DLGAP2: variants seen among roughly 807,000 people sequenced by gnomAD.
DLGAP2 encodes the protein DLG associated protein 2.
In DLGAP2, 26 loss-of-function variants were observed where a neutral mutation model predicts 100.3. The observed-to-expected ratio is 0.26, with a 90% CI of 0.19 to 0.36. DLGAP2 has a LOEUF of 0.36. Among genes scored for constraint, DLGAP2 ranks in the 10% least tolerant of loss-of-function variants. The probability of loss-of-function intolerance (pLI) is 1.00; values close to 1 mark genes in which losing one functional copy is unlikely to be tolerated. For synonymous variants in DLGAP2, 886 were observed against 630.1 expected, an observed-to-expected ratio of 1.41 and a Z score of -6.08; for missense variants, 1,858 against 1,453.2, an observed-to-expected ratio of 1.28 and a Z score of -4.53.
chr8:1,601,932 CTTAAT>C (rs1477187118), intron 6 of DLGAP2, among the ~76,000 whole-genome samples: 1 of 136,910 alleles, frequency 7.3e-6, no homozygotes, highest in Non-Finnish European at 1.6e-5. Context: ...ATCCTAAAAC[CTTAAT>C]TTAACAGGGT....
intron 3 of DLGAP2, among the ~76,000 whole-genome samples, chr8:1,370,046 A>G (rs954836749): frequency 6.6e-6 from 1 of 151,802 alleles, no homozygotes; most frequent in Non-Finnish European, 1.5e-5. Flanking sequence ...GTTGCGGTCC[A>G]GCCCCCATTG....
chr8:1,676,700 C>A, intron 11 of DLGAP2, 82 bp downstream of exon 11: 2 of 1,386,092 alleles, frequency 1.4e-6, no homozygotes, highest in Non-Finnish European at 2.0e-6. Flanking sequence ...CTAGATCCTG[C>A]CGGCCCTCAA....
chr8:1,467,480 G>T (rs1798659282), intron 3 of DLGAP2, among the ~76,000 whole-genome samples: 2 of 151,882 alleles, frequency 1.3e-5, no homozygotes, highest in African/African-American at 2.4e-5. Flanking sequence ...CCCGTTGAAG[G>T]CAGGGACTCC....
At chr8:1,007,064 T>C (rs527587683) in intron 2 of DLGAP2, among the ~76,000 whole-genome samples, 31 of 151,628 alleles carry the variant, frequency 2.0e-4, no homozygotes, top group African/African-American at 7.5e-4. Flanking sequence ...GGACACCTTG[T>C]GTCTGAAGTC....
At chr8:1,682,961 A>G (rs1798996509) in intron 12 of DLGAP2, among the ~76,000 whole-genome samples, 1 of 151,488 alleles carries the variant, frequency 6.6e-6, no homozygotes, top group Non-Finnish European at 1.5e-5. Context: ...TTGAGCCATC[A>G]GGATCCTCCT....
chr8:1,200,963 C>G (rs545316557), intron 2 of DLGAP2, among the ~76,000 whole-genome samples: 1 of 152,338 alleles, frequency 6.6e-6, no homozygotes, highest in African/African-American at 2.4e-5. Context: ...CGGCGGGGCG[C>G]TGCGCTCGGC....
intron 3 of DLGAP2, among the ~76,000 whole-genome samples, chr8:1,444,505 T>A (rs753933672): frequency 2.6e-5 from 4 of 152,186 alleles, no homozygotes; most frequent in Admixed American, 6.5e-5. Flanking sequence ...GGTGGGTCTT[T>A]GCATTTCTTA....
At chr8:932,496 C>G (rs1473335519) in intron 2 of DLGAP2, among the ~76,000 whole-genome samples, 1 of 152,122 alleles carries the variant, frequency 6.6e-6, no homozygotes, top group Non-Finnish European at 1.5e-5. Flanking sequence ...CTATAAAACA[C>G]AAGAGTGGAA....
chr8:1,541,443 C>A (rs1198368689), intron 4 of DLGAP2, among the ~76,000 whole-genome samples: 1 of 152,070 alleles, frequency 6.6e-6, no homozygotes, highest in African/African-American at 2.4e-5. Context: ...TGAGCTGCAC[C>A]CCAGAGGTAT....
intron 6 of DLGAP2, among the ~76,000 whole-genome samples, chr8:1,583,297 C>G (rs1267160176): frequency 6.6e-6 from 1 of 152,134 alleles, no homozygotes; most frequent in Non-Finnish European, 1.5e-5. Context: ...AGAACACCAG[C>G]TATTGATGGA....
chr8:979,700 C>T (rs1800274289), intron 2 of DLGAP2, among the ~76,000 whole-genome samples: 1 of 152,206 alleles, frequency 6.6e-6, no homozygotes, highest in Non-Finnish European at 1.5e-5. Context: ...CATGGCTATC[C>T]ACCCAAAATG....
chr8:1,684,620 A>G (rs1236199851), intron 12 of DLGAP2, among the ~76,000 whole-genome samples: 2 of 152,152 alleles, frequency 1.3e-5, no homozygotes, highest in Non-Finnish European at 2.9e-5. Context: ...AATAAAATCT[A>G]TAGTGAACCC....
At chr8:1,429,058 G>C (rs1201337617) in intron 3 of DLGAP2, among the ~76,000 whole-genome samples, 3 of 152,322 alleles carry the variant, frequency 2.0e-5, no homozygotes, top group East Asian at 3.9e-4. Context: ...AAGCAGTGTA[G>C]CACTTCTCTA....
At position 1,322,315 on chromosome 8, in the gene DLGAP2, T is replaced by TA. The variant is rs546722050; in HGVS notation, c.106+63436dup. 3.9e-5 allele frequency among the ~76,000 whole-genome samples: 6 copies of TA among 152,354 alleles called. 1 individual carries two copies. In the South Asian group the frequency reaches 1.2e-3, roughly 32 times the overall value. The stretch of plus-strand genomic sequence containing the variant: ...TGAAAAAACTTCGAAATCTCAAACT[T>TA]AAAATGTTCATTCTTTACCACAATA... On this transcript the variant is annotated intron_variant, in intron 3 of 14. Transcript: ENST00000637795.
At chr8:885,689 C>A (rs532866344) in intron 1 of DLGAP2, among the ~76,000 whole-genome samples, 1 of 152,110 alleles carries the variant, frequency 6.6e-6, no homozygotes, top group African/African-American at 2.4e-5. Context: ...AGGGCCTCCT[C>A]GTCTTGTGCT....
chr8:1,222,491 A>G (rs1347935078), intron 2 of DLGAP2, among the ~76,000 whole-genome samples: 1 of 152,068 alleles, frequency 6.6e-6, no homozygotes, highest in Non-Finnish European at 1.5e-5. Context: ...ACTGGTAACG[A>G]CACTCCAGTG....
At chr8:1,387,738 C>G (rs1389685937) in intron 3 of DLGAP2, among the ~76,000 whole-genome samples, 2 of 152,098 alleles carry the variant, frequency 1.3e-5, no homozygotes, top group Admixed American at 6.5e-5. Flanking sequence ...GAGGAAGGTT[C>G]AGGTAGGAAT....
intron 3 of DLGAP2, among the ~76,000 whole-genome samples, chr8:1,419,230 G>C (rs989704531): frequency 2.9e-5 from 4 of 139,824 alleles, no homozygotes; most frequent in African/African-American, 1.0e-4. Flanking sequence ...GTGTGTGTGT[G>C]TGTAGGTTTT....
At chr8:791,997 T>G (rs1822041900) in intron 1 of DLGAP2, among the ~76,000 whole-genome samples, 1 of 152,210 alleles carries the variant, frequency 6.6e-6, no homozygotes, top group African/African-American at 2.4e-5. Flanking sequence ...GTTAAGCAAG[T>G]AGTTGGATTT....
Sources: allele counts gnomAD v4.1 joint callset (sites outside exome capture counted in the v4.1 genomes callset), GRCh38; gene constraint gnomAD v4.1.1; transcripts MANE v1.5; gene names NCBI Gene and HGNC (gene_info 2026-07-23, HGNC 2026-07-21).